Variants in SLC37A1 observed in about 807,000 individuals in gnomAD.
SLC37A1 encodes solute carrier family 37 member 1, also known as glucose-6-phosphate exchanger SLC37A1.
In SLC37A1, 49 loss-of-function variants were observed where a neutral mutation model predicts 75.3. The observed-to-expected ratio is 0.65, with a 90% CI of 0.52 to 0.83. SLC37A1 has a LOEUF of 0.83. Ranked by LOEUF, SLC37A1 falls within the 40% of genes least tolerant of loss-of-function variation. SLC37A1 has a pLI of 0.00. For synonymous variants in SLC37A1, 268 were observed against 292.1 expected (o/e 0.92, Z 0.84); for missense variants, 566 against 695.0 (o/e 0.81, Z 2.09).
chr21:42,537,675 G>A (rs228061), intron 5 of SLC37A1, among the ~76,000 whole-genome samples: 97,655 of 152,034 alleles, frequency 0.64, 32,502 homozygotes, highest in African/African-American at 0.78. Context: ...AATAGTGCTG[G>A]GGTTCAGAAA....
intron 17 of SLC37A1, among the ~76,000 whole-genome samples, chr21:42,573,197 A>C (rs1284527370): frequency 6.6e-6 from 1 of 152,128 alleles, no homozygotes; most frequent in Admixed American, 6.5e-5. Flanking sequence ...TCTCTTTATC[A>C]GTGAGGATGA....
In SLC37A1 at chr21:42,563,870, A is replaced by G. The variant is rs1298734875; in HGVS notation, c.1128A>G (p.Gly376=). The G allele has an allele frequency of 1.2e-6, 2 of 1,614,042 alleles. No homozygotes were observed. Among genetic ancestry groups the G allele is most frequent in the East Asian group, 4.5e-5 (2 of 44,892 alleles). The change falls in exon 13 of 20, where the codon GGA becomes GGG. Residue 376 remains glycine (G), a synonymous_variant. Coordinates refer to ENST00000352133, the MANE Select transcript of SLC37A1 (RefSeq NM_001320537.2). ...GELSTLFDVG[G]IFGGILAGVI... ...TCTCCACCCTGTTTGACGTGGGCGG[A>G]ATCTTTGGTGAGTTCATTAAGACTT...
intron 12 of SLC37A1, among the ~76,000 whole-genome samples, chr21:42,562,989 C>T (rs556527431): frequency 6.6e-6 from 1 of 152,230 alleles, no homozygotes; most frequent in South Asian, 2.1e-4. Flanking sequence ...GCTGGCAGCA[C>T]GAGGCTGGAG....
chr21:42,504,261 C>A (rs2054365290), intron 2 of SLC37A1, among the ~76,000 whole-genome samples: 1 of 152,092 alleles, frequency 6.6e-6, no homozygotes, highest in South Asian at 2.1e-4. Context: ...ATGGCCTGGT[C>A]ATTTTGGGTC....
Position 42,576,623 on chromosome 21 carries a change from A to G in SLC37A1, c.1521+1708A>G, listed in dbSNP as rs546793137. Among the ~76,000 whole-genome samples the G allele has an allele frequency of 2.1e-4, 32 of 152,348 alleles. No individual in the cohort carries two copies. The South Asian group carries it at 6.0e-3, about 29-fold the overall frequency. The stretch of plus-strand genomic sequence containing the variant: ...TGTAAACTAAAAATAAATATATGCA[A>G]TGTTACTAATGACATAAGAAAAAGG... On this transcript the variant is annotated intron_variant, in intron 18 of 19. Coordinates refer to ENST00000352133, the MANE Select transcript of SLC37A1 (RefSeq NM_001320537.2).
At chr21:42,541,921 T>G (rs981545269) in intron 6 of SLC37A1, among the ~76,000 whole-genome samples, 9 of 152,178 alleles carry the variant, frequency 5.9e-5, no homozygotes, top group Admixed American at 3.3e-4. Flanking sequence ...TTTAATTTTT[T>G]GTAGACAAGG....
chr21:42,542,503 C>G (rs771330996), intron 7 of SLC37A1, 23 bp downstream of exon 7: 2 of 1,612,814 alleles, frequency 1.2e-6, no homozygotes, highest in East Asian at 4.5e-5. Flanking sequence ...AGCCCTGTTT[C>G]CAATAGCAGA....
Position 42,559,522 on chromosome 21 carries a change from C to T in SLC37A1, c.981+433C>T, listed in dbSNP as rs74567293. On this transcript the variant is annotated intron_variant, in intron 11 of 19. Transcript: ENST00000352133. ...GCCTTGAGCGTGAGCCCATGGGAGG[C>T]GCTGGCACTGAGTGCTGCGCCGTGG... Among the ~76,000 whole-genome samples the T allele has an allele frequency of 4.9e-3, 740 of 152,344 alleles. 6 individuals carry two copies. Among genetic ancestry groups the T allele is most frequent in the African/African-American group, 0.017 (705 of 41,582 alleles).
At chr21:42,510,001 A>C (rs968955315), upstream of SLC37A1, among the ~76,000 whole-genome samples, 1 of 152,176 alleles carries the variant, frequency 6.6e-6, no homozygotes, top group African/African-American at 2.4e-5. Flanking sequence ...CTGCTCCTTA[A>C]GTTGATGGCA....
intron 11 of SLC37A1, among the ~76,000 whole-genome samples, chr21:42,561,035 A>G (rs543363844): frequency 6.6e-6 from 1 of 152,368 alleles, no homozygotes; most frequent in African/African-American, 2.4e-5. Context: ...TCTGAGGATG[A>G]AGTGAGGTCA....
intron 16 of SLC37A1, among the ~76,000 whole-genome samples, chr21:42,567,676 T>C (rs978595509): frequency 6.6e-6 from 1 of 152,190 alleles, no homozygotes; most frequent in Non-Finnish European, 1.5e-5. Flanking sequence ...ATTACGTGCA[T>C]ATACAAGCAT....
At chr21:42,565,766 C>T (rs1601760474) in intron 14 of SLC37A1, 61 bp from the exon 15 acceptor site, 5 of 1,482,854 alleles carry the variant, frequency 3.4e-6, no homozygotes, top group Admixed American at 1.8e-5. Context: ...AGTAGATTTC[C>T]AGCAATCTCG....
intron 3 of SLC37A1, among the ~76,000 whole-genome samples, chr21:42,532,450 G>A (rs1193562970): frequency 6.6e-6 from 1 of 152,174 alleles, no homozygotes; most frequent in African/African-American, 2.4e-5. Flanking sequence ...CCTAGCTGTG[G>A]CTTTCTTCAG....
At chr21:42,501,653 A>T (rs1036539961) in intron 1 of SLC37A1, among the ~76,000 whole-genome samples, 5 of 152,232 alleles carry the variant, frequency 3.3e-5, no homozygotes, top group African/African-American at 1.2e-4. Context: ...CAGAGGTTGC[A>T]GTGAGCCGAG....
At chr21:42,572,695 T>TAAAAAAAAA (rs1421400961) in intron 17 of SLC37A1, among the ~76,000 whole-genome samples, 74 of 132,312 alleles carry the variant, frequency 5.6e-4, no homozygotes, top group Non-Finnish European at 8.7e-4. Flanking sequence ...AAAAAAAGAG[T>TAAAAAAAAA]GTGTCCTGAG....
At position 42,578,257 on chromosome 21, in the gene SLC37A1, C is replaced by T. The variant is rs7282348; in HGVS notation, c.1522-1479C>T. Among the ~76,000 whole-genome samples, 179 of 152,320 alleles carry T rather than the reference C, an allele frequency of 1.2e-3. 1 individual carries two copies. Among genetic ancestry groups the T allele is most frequent in the African/African-American group, 4.1e-3 (169 of 41,568 alleles). On this transcript the variant is annotated intron_variant, in intron 18 of 19. Coordinates refer to ENST00000352133, the MANE Select transcript of SLC37A1 (RefSeq NM_001320537.2). ...GACCGAAGGCCTCAGGTCTCCAGTG[C>T]GTGTCGCCTGGGCTCCTGGAGTTGG...
At chr21:42,575,938 C>T (rs769778777) in intron 18 of SLC37A1, 21 of 985,258 alleles carry the variant, frequency 2.1e-5, no homozygotes, top group Non-Finnish European at 2.4e-5. Flanking sequence ...AGTAAAATTC[C>T]TGTCATTACA....
intron 18 of SLC37A1, chr21:42,575,990 G>T: frequency 2.0e-6 from 2 of 976,994 alleles, no homozygotes; most frequent in Non-Finnish European, 2.4e-6. Flanking sequence ...GAACTATCTG[G>T]TAATATATAT....
intron 5 of SLC37A1, among the ~76,000 whole-genome samples, chr21:42,537,108 CTGGTGGG>C (rs965877142): frequency 1.3e-5 from 2 of 152,230 alleles, no homozygotes; most frequent in African/African-American, 4.8e-5. Context: ...GCTCAGAGCC[CTGGTGGG>C]TGGTTGGTGC....
Sources: gnomAD v4.1 joint callset for allele counts (sites outside exome capture counted in the v4.1 genomes callset) on GRCh38, gnomAD v4.1.1 for gene constraint, MANE v1.5 for transcripts, NCBI Gene and HGNC (gene_info 2026-07-23, HGNC 2026-07-21) for gene names.